DGKI: variants seen among roughly 807,000 people sequenced by gnomAD.
DGKI encodes the protein diacylglycerol kinase iota.
In DGKI, 55 loss-of-function variants were observed where a neutral mutation model predicts 147.5. That is an observed-to-expected ratio of 0.37 (90% CI 0.30 to 0.47). DGKI has a LOEUF of 0.47. Ranked by LOEUF, DGKI falls within the 20% of genes least tolerant of loss-of-function variation. The probability of loss-of-function intolerance (pLI) is 1.00; values close to 1 mark genes in which losing one functional copy is unlikely to be tolerated. For missense variants in DGKI, 1,007 were observed against 1,323.8 expected (o/e 0.76, Z 3.71); for synonymous variants, 469 against 477.1 (o/e 0.98, Z 0.22).
rs776305848 is a variant in DGKI at position 137,552,447 on chromosome 7, A to G, written c.2069T>C (p.Met690Thr). 1 of 1,614,166 alleles carries G rather than the reference A, an allele frequency of 6.2e-7. No individual in the cohort carries two copies. The highest frequency in any genetic ancestry group is 8.5e-7 in the Non-Finnish European group (1 of 1,180,032). Reference protein sequence around the residue: ...DGEPCRLAPAMIRISLRNQAN... With the variant: ...DGEPCRLAPATIRISLRNQAN... Reference sequence around the variant, plus strand: ...CTGATTCCTCAGGGAGATCCGAATCATAGCTGGGGCCAACCTACAGGGCTC... The same window carrying G: ...CTGATTCCTCAGGGAGATCCGAATCGTAGCTGGGGCCAACCTACAGGGCTC... The change falls in exon 20 of 33, where the codon ATG (methionine) becomes ACG (threonine). Residue 690 changes from methionine to threonine, a missense_variant. Transcript: ENST00000614521.
At chr7:137,520,350 G>A (rs913420702) in intron 21 of DGKI, among the ~76,000 whole-genome samples, 1 of 152,046 alleles carries the variant, frequency 6.6e-6, no homozygotes. Flanking sequence ...TTTATGATTA[G>A]TAACCTTTAG....
chr7:137,722,147 T>C (rs1172556586), intron 1 of DGKI: 15 of 1,599,230 alleles, frequency 9.4e-6, no homozygotes, highest in Admixed American at 1.7e-5. Flanking sequence ...GTCAGAGGAA[T>C]TGGCAGGTAT....
At chr7:137,464,286 A>T (rs943242476) in intron 26 of DGKI, among the ~76,000 whole-genome samples, 19 of 151,274 alleles carry the variant, frequency 1.3e-4, no homozygotes, top group Non-Finnish European at 2.4e-4. Flanking sequence ...AAAGGAAAAG[A>T]AAAAGAAAAT....
At chr7:137,592,167 T>C (rs867567985) in intron 12 of DGKI, among the ~76,000 whole-genome samples, 1 of 152,188 alleles carries the variant, frequency 6.6e-6, no homozygotes, top group Non-Finnish European at 1.5e-5. Flanking sequence ...AGACTGCACA[T>C]TGAAAGGTTC....
intron 3 of DGKI, among the ~76,000 whole-genome samples, chr7:137,672,380 A>C (rs1447673789): frequency 6.6e-6 from 1 of 152,148 alleles, no homozygotes; most frequent in Non-Finnish European, 1.5e-5. Flanking sequence ...GACCACCCCA[A>C]AAGGTTGTTG....
At chr7:137,760,473 G>A (rs28398841) in intron 1 of DGKI, among the ~76,000 whole-genome samples, 8,188 of 152,044 alleles carry the variant, frequency 0.054, 751 homozygotes, top group African/African-American at 0.19. Flanking sequence ...TTTCCCTGAG[G>A]GATAAAAGGA....
chr7:137,670,034 A>C (rs1028036112), intron 3 of DGKI, among the ~76,000 whole-genome samples: 1 of 152,228 alleles, frequency 6.6e-6, no homozygotes, highest in Admixed American at 6.5e-5. Context: ...GAAATCCTGC[A>C]TACCTTATAT....
intron 16 of DGKI, among the ~76,000 whole-genome samples, chr7:137,577,590 A>G (rs1819028981): frequency 6.6e-6 from 1 of 152,214 alleles, no homozygotes; most frequent in Non-Finnish European, 1.5e-5. Context: ...TGCCTTGTCC[A>G]TTAAGTGCTG....
intron 1 of DGKI, among the ~76,000 whole-genome samples, chr7:137,706,863 C>T (rs1794048526): frequency 6.6e-6 from 1 of 152,134 alleles, no homozygotes; most frequent in South Asian, 2.1e-4. Context: ...TGAGCCACCA[C>T]ACCCCGCCGA....
chr7:137,791,628 T>C (rs922321371), intron 1 of DGKI, among the ~76,000 whole-genome samples: 8 of 152,228 alleles, frequency 5.3e-5, no homozygotes, highest in African/African-American at 1.9e-4. Context: ...GTCTCTATTC[T>C]GTTGGAGAGA....
At chr7:137,533,125 C>CT (rs549653914) in intron 20 of DGKI, among the ~76,000 whole-genome samples, 1 of 151,696 alleles carries the variant, frequency 6.6e-6, no homozygotes, top group East Asian at 1.9e-4. Context: ...TCTCTAAAAA[C>CT]TTTTTTTTAA....
intron 1 of DGKI, among the ~76,000 whole-genome samples, chr7:137,711,852 C>A (rs1457021728): frequency 6.6e-6 from 1 of 151,782 alleles, no homozygotes; most frequent in African/African-American, 2.4e-5. Context: ...CACCAACACA[C>A]CCAGCTAGTT....
chr7:137,592,857 G>C (rs1052283319), intron 12 of DGKI, among the ~76,000 whole-genome samples: 2 of 152,132 alleles, frequency 1.3e-5, no homozygotes, highest in Non-Finnish European at 2.9e-5. Context: ...AAGAAATCAA[G>C]ATAAAAATCA....
chr7:137,431,374 C>T, intron 28 of DGKI, among the ~76,000 whole-genome samples: 1 of 151,858 alleles, frequency 6.6e-6, no homozygotes, highest in Non-Finnish European at 1.5e-5. Context: ...TTTCAATAAT[C>T]ATTGGCACTT....
intron 1 of DGKI, among the ~76,000 whole-genome samples, chr7:137,813,019 T>C (rs1797638859): frequency 1.3e-5 from 2 of 152,088 alleles, no homozygotes; most frequent in Admixed American, 1.3e-4. Context: ...ACAATGACCC[T>C]GAGAAAGTAT....
chr7:137,675,303 T>C (rs1357566367), intron 3 of DGKI, among the ~76,000 whole-genome samples: 1 of 139,366 alleles, frequency 7.2e-6, no homozygotes, highest in Non-Finnish European at 1.5e-5. Flanking sequence ...AAGCTCAGGC[T>C]GACAAAGTTC....
chr7:137,564,965 G>T (rs1295796397), intron 19 of DGKI, among the ~76,000 whole-genome samples: 1 of 152,184 alleles, frequency 6.6e-6, no homozygotes, highest in Non-Finnish European at 1.5e-5. Context: ...TCTCATCCAG[G>T]AACTCTATAT....
Position 137,457,250 on chromosome 7 carries a change from T to C in DGKI, c.2735+6239A>G, listed in dbSNP as rs541498347. Among the ~76,000 whole-genome samples, 4 of 152,322 alleles carry C rather than the reference T, an allele frequency of 2.6e-5. No individual in the cohort carries two copies. In the East Asian group the frequency reaches 7.7e-4, roughly 29 times the overall value. ...GGAGCCATCTTTATCCTGACAGCAC[T>C]GATTTCATCTCTAAGATATATTTCA... is the stretch of plus-strand genomic sequence containing the variant. On this transcript the variant is annotated intron_variant, in intron 27 of 32. Coordinates refer to ENST00000614521, the MANE Select transcript of DGKI (RefSeq NM_001321708.2).
At chr7:137,839,827 G>C (rs929068930) in intron 1 of DGKI, among the ~76,000 whole-genome samples, 1 of 152,146 alleles carries the variant, frequency 6.6e-6, no homozygotes, top group African/African-American at 2.4e-5. Context: ...TATGAGTCTG[G>C]AAATCTAAAG....
Sources: gnomAD v4.1 joint callset for allele counts (sites outside exome capture counted in the v4.1 genomes callset) on GRCh38, gnomAD v4.1.1 for gene constraint, MANE v1.5 for transcripts, NCBI Gene and HGNC (gene_info 2026-07-23, HGNC 2026-07-21) for gene names.